Variants in GRHL1 observed in about 807,000 individuals in gnomAD.
GRHL1 encodes the protein grainyhead like transcription factor 1.
A neutral mutation model predicts 75.7 loss-of-function variants in GRHL1; 38 were observed. The ratio of observed to expected loss-of-function variants is 0.50; its 90% CI spans 0.39 to 0.66. The LOEUF is 0.66. GRHL1 is among the 30% of genes least tolerant of loss of function. The pLI, the probability that GRHL1 is intolerant of heterozygous loss-of-function variation, is 0.00. For synonymous variants in GRHL1, 266 were observed against 279.4 expected (o/e 0.95, Z 0.48); for missense variants, 589 against 767.5 (o/e 0.77, Z 2.75).
chr2:9,951,781 C>T lies in GRHL1; in HGVS notation c.-53C>T, dbSNP rs1443995895. The T allele has an allele frequency of 6.7e-6, 10 of 1,497,890 alleles. No individual in the cohort carries two copies. Among genetic ancestry groups the T allele is most frequent in the South Asian group, 4.9e-5 (4 of 82,008 alleles). 92.8% of individuals were successfully genotyped at this position (1,497,890 alleles called of 1,614,324 possible). The stretch of plus-strand genomic sequence containing the variant: ...GCCTCCTCCCCCCGGATCGGGTGTA[C>T]TGTCCCAACCCGAAAGTCCAGTTCT... On this transcript the variant is annotated 5_prime_UTR_variant, in exon 1 of 16. Coordinates refer to ENST00000324907, the MANE Select transcript of GRHL1 (RefSeq NM_198182.3). This position sits in a 1 kb window ranked among gnomAD's most constrained non-coding sequence, Gnocchi z 4.2.
Position 9,990,869 on chromosome 2 carries a change from C to G in GRHL1, c.1321+122C>G. ...TTGCACGCAGAAGACAGTGGGTGTT[C>G]TTCCTGTTCTGCAGTGTGGCACTGC... On this transcript the variant is annotated intron_variant, in intron 10 of 15. Transcript: ENST00000324907. The surrounding 1 kb of genome is among the most constrained non-coding windows in gnomAD (Gnocchi z 4.2). 1 of 724,170 alleles carries G rather than the reference C, an allele frequency of 1.4e-6. No homozygotes were observed. The highest frequency in any genetic ancestry group is 2.4e-6 in the Non-Finnish European group (1 of 421,080). 44.9% of individuals were successfully genotyped at this position (724,170 alleles called of 1,614,324 possible).
In GRHL1 at chr2:9,954,948, A is replaced by T. The variant is rs754103454; in HGVS notation, c.54A>T (p.Ala18=). The change falls in exon 2 of 16, where the codon GCA becomes GCT. Residue 18 remains alanine (A), a synonymous_variant. Coordinates refer to ENST00000324907, the MANE Select transcript of GRHL1 (RefSeq NM_198182.3). Reference sequence around the variant, plus strand: ...CAGTGTTGGTTCTTCAGAATGAAGCACTTTATCCACAGCGGCGGTCCTACA... The same window carrying T: ...CAGTGTTGGTTCTTCAGAATGAAGCTCTTTATCCACAGCGGCGGTCCTACA... ...KRPVLVLQNE[A]LYPQRRSYTS... is the part of the protein sequence containing the mutation. 4 of 1,613,550 alleles carry T rather than the reference A, an allele frequency of 2.5e-6. No individual in the cohort carries two copies. In the African/African-American group the frequency reaches 5.3e-5, roughly 22 times the overall value.
At chr2:9,963,621 A>C (rs1179751599) in intron 5 of GRHL1, among the ~76,000 whole-genome samples, 2 of 152,170 alleles carry the variant, frequency 1.3e-5, no homozygotes, top group Non-Finnish European at 2.9e-5. Context: ...AGTTCCTTCC[A>C]AAGTCCTTTC....
chr2:9,976,591 T>C (rs2125225979), intron 8 of GRHL1, among the ~76,000 whole-genome samples: 1 of 152,262 alleles, frequency 6.6e-6, no homozygotes, highest in Non-Finnish European at 1.5e-5. Flanking sequence ...GATGAGACTT[T>C]TTAGTCAGAA....
chr2:9,980,164 G>T (rs116324806), intron 8 of GRHL1, among the ~76,000 whole-genome samples: 4,879 of 147,010 alleles, frequency 0.033, 288 homozygotes, highest in African/African-American at 0.11. Flanking sequence ...TTGGTGGTTT[G>T]TTTTTTTTTT....
chr2:9,993,734 C>T (rs941180954), intron 12 of GRHL1, among the ~76,000 whole-genome samples: 9 of 152,192 alleles, frequency 5.9e-5, no homozygotes, highest in East Asian at 1.9e-4. Context: ...TAGCAGATGG[C>T]GCTTGATGTC....
chr2:9,975,721 CAA>C (rs111809546), intron 8 of GRHL1, among the ~76,000 whole-genome samples: 42 of 134,050 alleles, frequency 3.1e-4, no homozygotes, highest in African/African-American at 3.6e-4. Context: ...CTAGTAAATA[CAA>C]AAAAAAAAAA....
intron 1 of GRHL1, among the ~76,000 whole-genome samples, chr2:9,952,700 A>C (rs1666843969): frequency 6.6e-6 from 1 of 152,210 alleles, no homozygotes; most frequent in African/African-American, 2.4e-5. Context: ...AATTGTCCTA[A>C]AAATTTTAAA....
rs781172327 is a variant in GRHL1 at position 9,955,065 on chromosome 2, C to T, written c.171C>T (p.Ser57=). The T allele has an allele frequency of 8.7e-6, 14 of 1,613,478 alleles. No homozygotes were observed. The South Asian group carries it at 1.4e-4, about 16-fold the overall frequency. Residue 57 remains serine, a synonymous_variant, in exon 2 of 16, where the codon AGC becomes AGT. Coordinates refer to ENST00000324907, the MANE Select transcript of GRHL1 (RefSeq NM_198182.3). ...AMMSINGDED[S]AAALGLLYDY... ...TGAGCATCAATGGAGATGAAGACAG[C>T]GCCGCTGCGCTGGGCCTGCTCTATG...
At chr2:9,965,060 T>C in intron 7 of GRHL1, 2 of 427,084 alleles carry the variant, frequency 4.7e-6, no homozygotes, top group Non-Finnish European at 8.3e-6. Context: ...AATTTCCTAA[T>C]TGTGACATAA....
chr2:9,969,396 G>A (rs1667621274), intron 8 of GRHL1, among the ~76,000 whole-genome samples: 1 of 152,136 alleles, frequency 6.6e-6, no homozygotes, highest in Non-Finnish European at 1.5e-5. Flanking sequence ...TCCAAATGAG[G>A]CCTTCTGAGG....
rs528616378 is a variant in GRHL1 at position 9,967,979 on chromosome 2, G to T, written c.1110+2598G>T. Among the ~76,000 whole-genome samples the T allele has an allele frequency of 2.0e-5, 3 of 152,092 alleles. No homozygotes were observed. In the South Asian group the frequency reaches 6.2e-4, roughly 32 times the overall value. On this transcript the variant is annotated intron_variant, in intron 8 of 15. Transcript: ENST00000324907. ...GTTCTTTCTCCCTCACAAACATAAG[G>T]GTTTATTGGAGCTATGTGGCATTTC...
intron 9 of GRHL1, among the ~76,000 whole-genome samples, chr2:9,989,913 T>C (rs2125239749): frequency 6.6e-6 from 1 of 152,292 alleles, no homozygotes; most frequent in South Asian, 2.1e-4. Flanking sequence ...TGAATTCTGC[T>C]TGGTTAGATC....
At chr2:9,965,584 G>A in intron 8 of GRHL1, 1 of 540,104 alleles carries the variant, frequency 1.9e-6, no homozygotes, top group Non-Finnish European at 3.3e-6. Context: ...AGTCCAGTGT[G>A]TGAAACATTG....
chr2:9,962,631 C>T (rs1667324886), intron 5 of GRHL1, 100 bp downstream of exon 5: 4 of 728,242 alleles, frequency 5.5e-6, no homozygotes, highest in Admixed American at 2.1e-5. Context: ...GCAGGCTTTC[C>T]CCTTATCTTA....
At chr2:9,964,661 A>C (rs1376667326) in intron 7 of GRHL1, 1 of 222,760 alleles carries the variant, frequency 4.5e-6, no homozygotes, top group Non-Finnish European at 8.8e-6. Flanking sequence ...TCTTCTTTAA[A>C]AGATTCTGAT....
rs576227390 is a variant in GRHL1 at position 10,001,800 on chromosome 2, T to C, written c.*1093T>C. 2.0e-5 allele frequency: 3 copies of C among 152,336 alleles called. No homozygotes were observed. Among genetic ancestry groups the C allele is most frequent in the Non-Finnish European group, 4.4e-5 (3 of 68,042 alleles). 9.4% of individuals were successfully genotyped at this position (152,336 alleles called of 1,614,324 possible). A position where few individuals can be genotyped will look rare whatever the true frequency, so the allele number is the denominator to read the frequency against. Reference sequence around the variant, plus strand: ...AATTACAGCACACAGATTGCAAGTATTGCGTACCAAGTGATACAACTCGAA... The same window carrying C: ...AATTACAGCACACAGATTGCAAGTACTGCGTACCAAGTGATACAACTCGAA... On this transcript the variant is annotated 3_prime_UTR_variant, in exon 16 of 16. Coordinates refer to ENST00000324907, the MANE Select transcript of GRHL1 (RefSeq NM_198182.3).
In GRHL1 at chr2:9,973,117, C is replaced by T. The variant is rs74398552; in HGVS notation, c.1110+7736C>T. Among the ~76,000 whole-genome samples the T allele has an allele frequency of 5.4e-3, 821 of 152,298 alleles. 10 individuals carry two copies. The highest frequency in any genetic ancestry group is 0.019 in the African/African-American group (772 of 41,556). ...GCCTCCTGCCAATTCTTTTTCTTTT[C>T]CCTTGATGGTGATTGGATAGCCTGA... On this transcript the variant is annotated intron_variant, in intron 8 of 15. Coordinates refer to ENST00000324907, the MANE Select transcript of GRHL1 (RefSeq NM_198182.3).
At chr2:9,973,390 T>G (rs1431702460) in intron 8 of GRHL1, among the ~76,000 whole-genome samples, 1 of 152,168 alleles carries the variant, frequency 6.6e-6, no homozygotes, top group African/African-American at 2.4e-5. Flanking sequence ...AGGAAGGTCA[T>G]CAGTGTTTGT....
Sources: allele counts gnomAD v4.1 joint callset (sites outside exome capture counted in the v4.1 genomes callset), GRCh38; gene constraint gnomAD v4.1.1; non-coding constraint Gnocchi (gnomAD v3.1); transcripts MANE v1.5; gene names NCBI Gene and HGNC (gene_info 2026-07-23, HGNC 2026-07-21).